SOX6: variants seen among roughly 807,000 people sequenced by gnomAD.
The protein encoded by SOX6 is SRY-box transcription factor 6.
In SOX6, 11 loss-of-function variants were observed where a neutral mutation model predicts 97.8. The observed-to-expected ratio is 0.11, with a 90% CI of 0.07 to 0.19. SOX6 has a LOEUF of 0.19. Ranked by LOEUF, SOX6 falls within the 10% of genes least tolerant of loss-of-function variation. The pLI is 1.00. For synonymous variants in SOX6, 360 were observed against 371.4 expected (o/e 0.97, Z 0.35); for missense variants, 810 against 1,039.5 (o/e 0.78, Z 3.04).
intron 4 of SOX6, among the ~76,000 whole-genome samples, chr11:16,514,680 A>G (rs557853771): frequency 3.8e-4 from 55 of 142,968 alleles, no homozygotes; most frequent in South Asian, 7.5e-4. Flanking sequence ...ATATCTCCCA[A>G]TGCTATCCCT....
At chr11:16,585,751 C>T (rs1190813820) in intron 4 of SOX6, among the ~76,000 whole-genome samples, 2 of 139,724 alleles carry the variant, frequency 1.4e-5, no homozygotes, top group Admixed American at 7.7e-5. Context: ...GGCGTGATCA[C>T]GGTTTGCCAC....
intron 4 of SOX6, among the ~76,000 whole-genome samples, chr11:16,196,299 C>A (rs1276712911): frequency 6.6e-6 from 1 of 152,192 alleles, no homozygotes; most frequent in African/African-American, 2.4e-5. Flanking sequence ...ATCTGAGATT[C>A]AAAATCAGAA....
intron 6 of SOX6, among the ~76,000 whole-genome samples, chr11:16,156,060 TCTCA>T (rs1237747540): frequency 6.6e-6 from 1 of 152,032 alleles, no homozygotes; most frequent in Non-Finnish European, 1.5e-5. Context: ...GTCCTATCTC[TCTCA>T]CTATGAAACT....
At chr11:16,335,093 A>G (rs1052241791) in intron 2 of SOX6, among the ~76,000 whole-genome samples, 33 of 152,174 alleles carry the variant, frequency 2.2e-4, no homozygotes, top group Non-Finnish European at 4.0e-4. Flanking sequence ...TTTTAGTTCA[A>G]ATACTAAATA....
chr11:16,594,385 AAGAATCTGATAT>A (rs1354845589), intron 4 of SOX6, among the ~76,000 whole-genome samples: 2 of 152,174 alleles, frequency 1.3e-5, no homozygotes, highest in African/African-American at 4.8e-5. Context: ...TAAACATTTA[AAGAATCTGATAT>A]CAAAAAGCTA....
intron 9 of SOX6, among the ~76,000 whole-genome samples, chr11:16,080,222 ATTAT>A (rs1374654545): frequency 3.3e-5 from 5 of 150,056 alleles, no homozygotes; most frequent in East Asian, 1.9e-4. Flanking sequence ...GTGGACTATT[ATTAT>A]TTGTCAATTA....
rs1041138945 is a variant in SOX6 at position 15,967,371 on chromosome 11, G to A, written c.*5438C>T. On this transcript the variant is annotated 3_prime_UTR_variant, in exon 16 of 16. Transcript: ENST00000683767. ...TACACTTTGAAACAGCAGCCAGCAT[G>A]TCAGTCCAGCATGTCAGTGAATTGT... 1.3e-5 allele frequency: 2 copies of A among 152,200 alleles called. No homozygotes were observed. Among genetic ancestry groups the A allele is most frequent in the East Asian group, 3.9e-4 (2 of 5,192 alleles). 9.4% of individuals were successfully genotyped at this position (152,200 alleles called of 1,614,324 possible). A position where few individuals can be genotyped will look rare whatever the true frequency, so the allele number is the denominator to read the frequency against.
intron 4 of SOX6, among the ~76,000 whole-genome samples, chr11:16,194,010 T>C (rs1012557977): frequency 6.6e-6 from 1 of 152,148 alleles, no homozygotes; most frequent in South Asian, 2.1e-4. Context: ...CAGCCTTCTT[T>C]TAAATGTCAC....
chr11:16,398,959 A>G (rs1440966383), intron 1 of SOX6, among the ~76,000 whole-genome samples: 2 of 151,386 alleles, frequency 1.3e-5, no homozygotes, highest in African/African-American at 2.4e-5. Context: ...AAAGGTCAAC[A>G]AAAAGATGAT....
chr11:15,978,893 T>C (rs1196786064), intron 15 of SOX6, among the ~76,000 whole-genome samples: 1 of 137,628 alleles, frequency 7.3e-6, no homozygotes, highest in African/African-American at 2.6e-5. Flanking sequence ...ATATAATATA[T>C]ATTATATATA....
chr11:16,626,727 G>A (rs1310422782), intron 3 of SOX6, among the ~76,000 whole-genome samples: 4 of 152,134 alleles, frequency 2.6e-5, no homozygotes, highest in Non-Finnish European at 5.9e-5. Context: ...GCAATGTTCT[G>A]TATATTCAAT....
rs148983063 is a variant in SOX6, at chr11:16,285,957, C to A, written c.445+32489G>T. On this transcript the variant is annotated intron_variant, in intron 3 of 15. Transcript: ENST00000683767. ...ATTTCCCAAGAGAATACATATTTGG[C>A]ATAGAAAAATAAAATGAATACGTTT... is the stretch of plus-strand genomic sequence containing the variant. Among the ~76,000 whole-genome samples the A allele has an allele frequency of 2.0e-5, 3 of 152,028 alleles. No homozygotes were observed. In the East Asian group the frequency reaches 5.8e-4, roughly 29 times the overall value.
intron 3 of SOX6, chr11:16,316,300 T>G (rs1855757169): frequency 6.6e-6 from 1 of 151,830 alleles, no homozygotes; most frequent in Non-Finnish European, 1.5e-5. Flanking sequence ...ATCCGTTATA[T>G]TCACTGTTCC....
intron 4 of SOX6, among the ~76,000 whole-genome samples, chr11:16,578,102 G>C (rs1275690941): frequency 3.3e-5 from 5 of 152,140 alleles, no homozygotes; most frequent in Admixed American, 2.6e-4. Flanking sequence ...TATATGGTGT[G>C]AGGAAGGGTC....
chr11:16,343,761 G>T (rs572182517), intron 1 of SOX6, among the ~76,000 whole-genome samples: 1 of 151,994 alleles, frequency 6.6e-6, no homozygotes, highest in Non-Finnish European at 1.5e-5. Context: ...GTGAGGAAAG[G>T]CTTCACCTCT....
At chr11:16,526,197 C>G (rs956963116) in intron 4 of SOX6, among the ~76,000 whole-genome samples, 1 of 152,058 alleles carries the variant, frequency 6.6e-6, no homozygotes, top group Non-Finnish European at 1.5e-5. Context: ...ATGTTTCTTG[C>G]GGCACTATTC....
At chr11:16,082,818 A>G (rs1171286339) in intron 9 of SOX6, among the ~76,000 whole-genome samples, 1 of 152,174 alleles carries the variant, frequency 6.6e-6, no homozygotes, top group Non-Finnish European at 1.5e-5. Flanking sequence ...TGTCTACCAC[A>G]TGCATTCCAA....
intron 3 of SOX6, among the ~76,000 whole-genome samples, chr11:16,260,572 C>T (rs1192965421): frequency 1.3e-5 from 2 of 152,014 alleles, no homozygotes; most frequent in Non-Finnish European, 2.9e-5. Flanking sequence ...TATAAGATCT[C>T]AAGGTGTCTG....
chr11:16,227,782 A>G (rs1852728055), intron 4 of SOX6, among the ~76,000 whole-genome samples: 1 of 152,230 alleles, frequency 6.6e-6, no homozygotes, highest in African/African-American at 2.4e-5. Flanking sequence ...ACTTCAAGTC[A>G]AATAATATGT....
Sources: allele counts gnomAD v4.1 joint callset (sites outside exome capture counted in the v4.1 genomes callset), GRCh38; gene constraint gnomAD v4.1.1; transcripts MANE v1.5; gene names NCBI Gene and HGNC (gene_info 2026-07-23, HGNC 2026-07-21).